Variants in CLVS1 observed in about 807,000 individuals in gnomAD.
CLVS1 encodes the protein clavesin 1.
In CLVS1, 10 loss-of-function variants were observed where a neutral mutation model predicts 33.1. That is an observed-to-expected ratio of 0.30 (90% CI 0.19 to 0.51). The LOEUF (loss-of-function observed/expected upper bound fraction) is 0.51, where lower values mean the gene tolerates loss of function less well. Among genes scored for constraint, CLVS1 ranks in the 20% least tolerant of loss-of-function variants. CLVS1 has a pLI of 0.97. For missense variants in CLVS1, 343 were observed against 433.4 expected, an observed-to-expected ratio of 0.79 and a Z score of 1.85; for synonymous variants, 163 against 166.1, an observed-to-expected ratio of 0.98 and a Z score of 0.14.
At chr8:61,412,856 T>G (rs1815286237) in intron 3 of CLVS1, among the ~76,000 whole-genome samples, 3 of 152,192 alleles carry the variant, frequency 2.0e-5, no homozygotes, top group Non-Finnish European at 4.4e-5. Context: ...AGCTCTAAAT[T>G]TGTTAGCTTT....
At chr8:61,204,882 G>A (rs73684421) in intron 2 of CLVS1, among the ~76,000 whole-genome samples, 15,171 of 152,226 alleles carry the variant, frequency 0.1, 1,500 homozygotes, top group African/African-American at 0.26. Context: ...GTTTGTGGGT[G>A]TCAAATTTGT....
intron 2 of CLVS1, among the ~76,000 whole-genome samples, chr8:61,221,646 T>C (rs1808219804): frequency 6.6e-6 from 1 of 152,198 alleles, no homozygotes; most frequent in African/African-American, 2.4e-5. Flanking sequence ...TGAAGTGTCC[T>C]CTTTTTGTTG....
chr8:61,041,189 A>T, the CLVS1 span, among the ~76,000 whole-genome samples: 1 of 152,232 alleles, frequency 6.6e-6, no homozygotes, highest in East Asian at 1.9e-4. Flanking sequence ...CCATTGGTCT[A>T]TATGTCTGTT....
At chr8:61,374,609 G>C (rs938989989) in intron 2 of CLVS1, among the ~76,000 whole-genome samples, 2 of 152,130 alleles carry the variant, frequency 1.3e-5, no homozygotes, top group African/African-American at 4.8e-5. Flanking sequence ...AGCACACAAA[G>C]TCCCAATGAA....
chr8:61,485,474 G>A (rs916213550), intron 5 of CLVS1, among the ~76,000 whole-genome samples: 2 of 152,226 alleles, frequency 1.3e-5, no homozygotes, highest in Non-Finnish European at 2.9e-5. Flanking sequence ...TGGAGAAATA[G>A]GAATGCTTTT....
intron 2 of CLVS1, among the ~76,000 whole-genome samples, chr8:61,360,191 AC>A (rs1483220681): frequency 6.6e-6 from 1 of 152,156 alleles, no homozygotes; most frequent in Admixed American, 6.5e-5. Context: ...CACTGCATTA[AC>A]AGGCCTTCCT....
At chr8:61,226,734 A>T (rs893472660) in intron 2 of CLVS1, among the ~76,000 whole-genome samples, 1 of 152,174 alleles carries the variant, frequency 6.6e-6, no homozygotes, top group African/African-American at 2.4e-5. Context: ...GCTTCTTAAC[A>T]CTGAGGCTGG....
chr8:61,003,880 A>G, the CLVS1 span, among the ~76,000 whole-genome samples: 1 of 152,354 alleles, frequency 6.6e-6, no homozygotes, highest in Non-Finnish European at 1.5e-5. Context: ...ACACAATATT[A>G]GGTGGTGAAA....
Position 61,451,725 on chromosome 8 carries a change from C to CA in CLVS1, c.631-2414dup, listed in dbSNP as rs112920111. Among the ~76,000 whole-genome samples the CA allele has an allele frequency of 4.6e-3, 704 of 151,690 alleles. 4 individuals carry two copies. The highest frequency in any genetic ancestry group is 0.016 in the African/African-American group (660 of 41,326). On this transcript the variant is annotated intron_variant, in intron 3 of 5. Coordinates refer to ENST00000325897, the MANE Select transcript of CLVS1 (RefSeq NM_173519.3). ...CGGATGTGATCAGGCAAGAGGCAAC[C>CA]AATAATGATGTGTTGACCATGAGAG...
chr8:61,384,453 T>A (rs990721555), intron 3 of CLVS1, among the ~76,000 whole-genome samples: 1 of 152,088 alleles, frequency 6.6e-6, no homozygotes, highest in East Asian at 1.9e-4. Context: ...ATAAAAGGGA[T>A]TCAATAACCA....
the CLVS1 span, among the ~76,000 whole-genome samples, chr8:61,012,424 C>T: frequency 6.6e-6 from 1 of 152,146 alleles, no homozygotes; most frequent in Non-Finnish European, 1.5e-5. Flanking sequence ...ATATTTATTT[C>T]CATTTTGCAA....
At chr8:61,464,591 C>T (rs1420193946) in intron 5 of CLVS1, 3 of 152,270 alleles carry the variant, frequency 2.0e-5, no homozygotes, top group Non-Finnish European at 4.4e-5. Context: ...TCCAGGAAGA[C>T]TCTCAGAGAA....
At chr8:61,287,156 T>A (rs1563477704), upstream of CLVS1, among the ~76,000 whole-genome samples, 1 of 152,216 alleles carries the variant, frequency 6.6e-6, no homozygotes, top group Non-Finnish European at 1.5e-5. Context: ...TTAAAAATGT[T>A]ATGCTTTCTC....
At chr8:61,123,977 G>C (rs1324692513) in intron 1 of CLVS1, among the ~76,000 whole-genome samples, 1 of 152,118 alleles carries the variant, frequency 6.6e-6, no homozygotes, top group Non-Finnish European at 1.5e-5. Flanking sequence ...GATTCTTAAA[G>C]AAGGGTTTAA....
At chr8:61,497,644 A>G (rs1158051230) in intron 5 of CLVS1, among the ~76,000 whole-genome samples, 1 of 152,226 alleles carries the variant, frequency 6.6e-6, no homozygotes, top group African/African-American at 2.4e-5. Context: ...GTCCCAATTC[A>G]GACCCCAAGA....
At chr8:61,053,602 G>C (rs1804423351), upstream of CLVS1, among the ~76,000 whole-genome samples, 1 of 152,194 alleles carries the variant, frequency 6.6e-6, no homozygotes, top group African/African-American at 2.4e-5. Flanking sequence ...TGAGCATGTG[G>C]CCCAGGTCTG....
chr8:61,098,266 T>A (rs1805389216), intron 1 of CLVS1, among the ~76,000 whole-genome samples: 1 of 151,940 alleles, frequency 6.6e-6, no homozygotes, highest in African/African-American at 2.4e-5. Context: ...AAACCCTGGG[T>A]TGGGACAATA....
At chr8:61,106,692 G>C (rs1805545115) in intron 1 of CLVS1, among the ~76,000 whole-genome samples, 1 of 152,178 alleles carries the variant, frequency 6.6e-6, no homozygotes, top group African/African-American at 2.4e-5. Context: ...AACCCACGGA[G>C]ATGCCTGGAT....
chr8:61,317,808 G>C (rs1348969375), intron 2 of CLVS1, among the ~76,000 whole-genome samples: 2 of 152,126 alleles, frequency 1.3e-5, no homozygotes, highest in Non-Finnish European at 2.9e-5. Flanking sequence ...GCTTGACTCT[G>C]AACTCTCCTA....
Sources: allele counts gnomAD v4.1 joint callset (sites outside exome capture counted in the v4.1 genomes callset), GRCh38; gene constraint gnomAD v4.1.1; transcripts MANE v1.5; gene names NCBI Gene and HGNC (gene_info 2026-07-23, HGNC 2026-07-21).